MACROD2: variants seen among roughly 807,000 people sequenced by gnomAD.
The protein encoded by MACROD2 is mono-ADP ribosylhydrolase 2.
Under a neutral mutation model 70.4 loss-of-function variants are expected in MACROD2, and 36 were observed. That is an observed-to-expected ratio of 0.51 (90% CI 0.39 to 0.68). MACROD2 has a LOEUF of 0.68. MACROD2 is among the 30% of genes least tolerant of loss of function. The pLI, the probability that MACROD2 is intolerant of heterozygous loss-of-function variation, is 0.00. For synonymous variants in MACROD2, 172 were observed against 178.8 expected (o/e 0.96, Z 0.30); for missense variants, 496 against 538.4 (o/e 0.92, Z 0.78).
At position 15,034,500 on chromosome 20, in the gene MACROD2, T is replaced by C. The variant is rs547826027; in HGVS notation, c.419-195440T>C. On this transcript the variant is annotated intron_variant, in intron 5 of 17. Transcript: ENST00000684519. ...GTACTTTGAAGAGGGACTCAACATATAGTTGCCAAAATTGGGGGTGAGGTG... is the reference window on the plus strand; with the variant it reads ...GTACTTTGAAGAGGGACTCAACATACAGTTGCCAAAATTGGGGGTGAGGTG... Among the ~76,000 whole-genome samples the C allele has an allele frequency of 3.3e-5, 5 of 152,164 alleles. No individual in the cohort carries two copies. In the East Asian group the frequency reaches 7.7e-4, roughly 24 times the overall value.
chr20:14,540,558 A>G (rs769899226), intron 4 of MACROD2, among the ~76,000 whole-genome samples: 3 of 152,144 alleles, frequency 2.0e-5, no homozygotes, highest in Non-Finnish European at 4.4e-5. Flanking sequence ...GAGCACAATT[A>G]CCTTCAATCT....
At chr20:15,539,484 A>G (rs1187977651) in intron 8 of MACROD2, among the ~76,000 whole-genome samples, 3 of 152,156 alleles carry the variant, frequency 2.0e-5, no homozygotes, top group Non-Finnish European at 2.9e-5. Context: ...TATTCCAGCA[A>G]TTGCTTCTTT....
chr20:14,119,152 G>C (rs2054550058), intron 3 of MACROD2, among the ~76,000 whole-genome samples: 1 of 127,534 alleles, frequency 7.8e-6, no homozygotes, highest in Non-Finnish European at 1.6e-5. Context: ...CTGGCCAAAT[G>C]ACTGTGATTT....
At chr20:14,836,272 G>A (rs991951507) in intron 5 of MACROD2, among the ~76,000 whole-genome samples, 1 of 152,130 alleles carries the variant, frequency 6.6e-6, no homozygotes, top group Non-Finnish European at 1.5e-5. Context: ...TGTATGCAGA[G>A]TTTCCCAAAA....
chr20:14,571,672 G>A (rs1980201997), intron 4 of MACROD2, among the ~76,000 whole-genome samples: 1 of 152,030 alleles, frequency 6.6e-6, no homozygotes, highest in Non-Finnish European at 1.5e-5. Flanking sequence ...ATCAGAATTG[G>A]AATATAGATA....
intron 3 of MACROD2, among the ~76,000 whole-genome samples, chr20:14,334,852 G>A (rs1163004327): frequency 6.6e-6 from 1 of 151,676 alleles, no homozygotes; most frequent in Non-Finnish European, 1.5e-5. Flanking sequence ...GATCTATTCA[G>A]AATTTTTAAG....
At chr20:15,827,270 C>T (rs569097707) in intron 8 of MACROD2, among the ~76,000 whole-genome samples, 1 of 152,190 alleles carries the variant, frequency 6.6e-6, no homozygotes, top group East Asian at 1.9e-4. Flanking sequence ...ATACCCAATT[C>T]AAGAGGAGAC....
At chr20:14,842,914 C>A (rs768801074) in intron 5 of MACROD2, among the ~76,000 whole-genome samples, 5 of 151,988 alleles carry the variant, frequency 3.3e-5, no homozygotes, top group Admixed American at 2.6e-4. Context: ...GCTTTATTTC[C>A]TGTCTTCAGA....
intron 5 of MACROD2, among the ~76,000 whole-genome samples, chr20:14,847,296 G>A (rs1600721167): frequency 6.6e-6 from 1 of 152,068 alleles, no homozygotes; most frequent in East Asian, 1.9e-4. Flanking sequence ...GTTTATTTAT[G>A]CATTTATTTC....
chr20:15,337,459 C>T (rs749389555), intron 6 of MACROD2, among the ~76,000 whole-genome samples: 1 of 151,592 alleles, frequency 6.6e-6, no homozygotes, highest in Non-Finnish European at 1.5e-5. Flanking sequence ...TTTCTTTAAA[C>T]GTCTGCATAA....
intron 3 of MACROD2, among the ~76,000 whole-genome samples, chr20:14,314,430 A>T (rs1050624602): frequency 2.0e-5 from 3 of 152,220 alleles, no homozygotes; most frequent in Non-Finnish European, 4.4e-5. Flanking sequence ...GTATTATAAG[A>T]TACCAAGAAA....
At chr20:15,158,114 C>T (rs187570260) in intron 5 of MACROD2, among the ~76,000 whole-genome samples, 9 of 152,198 alleles carry the variant, frequency 5.9e-5, no homozygotes, top group South Asian at 4.2e-4. Context: ...TTTTGAATCA[C>T]GCCAAGCTCC....
intron 5 of MACROD2, among the ~76,000 whole-genome samples, chr20:14,880,848 A>G (rs1327673256): frequency 6.6e-6 from 1 of 152,136 alleles, no homozygotes; most frequent in Non-Finnish European, 1.5e-5. Flanking sequence ...CTCCCTCCAC[A>G]AAGGGGATGA....
chr20:15,752,575 T>C lies in MACROD2; in HGVS notation c.646-110170T>C, dbSNP rs116832101. 7.2e-3 allele frequency among the ~76,000 whole-genome samples: 1,095 copies of C among 152,262 alleles called. 20 individuals carry two copies. The highest frequency in any genetic ancestry group is 0.025 in the African/African-American group (1,026 of 41,554). ...CTATCAAAGGTCCTGACTTTGAAGG[T>C]TGGTGATTCGCTCACTATGCAAGAT... On this transcript the variant is annotated intron_variant, in intron 8 of 17. Transcript: ENST00000684519.
intron 8 of MACROD2, among the ~76,000 whole-genome samples, chr20:15,850,972 T>A (rs1384824202): frequency 1.3e-5 from 2 of 152,112 alleles, no homozygotes; most frequent in African/African-American, 4.8e-5. Context: ...CGGGTAGCAG[T>A]CACTGTTGGA....
At chr20:14,234,479 T>C (rs995768919) in intron 3 of MACROD2, among the ~76,000 whole-genome samples, 2 of 152,244 alleles carry the variant, frequency 1.3e-5, no homozygotes, top group African/African-American at 4.8e-5. Context: ...TGAAGGTATA[T>C]GGTTATACTT....
intron 8 of MACROD2, among the ~76,000 whole-genome samples, chr20:15,737,927 G>A (rs191589323): frequency 1.4e-3 from 208 of 152,040 alleles, no homozygotes; most frequent in South Asian, 5.2e-3. Context: ...GATGAATGGC[G>A]GATGGATGGA....
chr20:15,896,119 C>T (rs1475265387), intron 10 of MACROD2, among the ~76,000 whole-genome samples: 1 of 152,174 alleles, frequency 6.6e-6, no homozygotes, highest in Non-Finnish European at 1.5e-5. Flanking sequence ...ACTCTCCTCT[C>T]TAGATCTTCT....
intron 2 of MACROD2, among the ~76,000 whole-genome samples, chr20:14,068,812 A>G (rs1304597095): frequency 6.6e-6 from 1 of 152,194 alleles, no homozygotes; most frequent in African/African-American, 2.4e-5. Flanking sequence ...TAACCAAGTG[A>G]TGGAAAGCCT....
Sources: gnomAD v4.1 joint callset for allele counts (sites outside exome capture counted in the v4.1 genomes callset) on GRCh38, gnomAD v4.1.1 for gene constraint, MANE v1.5 for transcripts, NCBI Gene and HGNC (gene_info 2026-07-23, HGNC 2026-07-21) for gene names.